Variants in ARHGEF10 observed in about 807,000 individuals in gnomAD.
ARHGEF10 encodes Rho guanine nucleotide exchange factor 10.
ARHGEF10 carries 140 observed loss-of-function variants against 147.4 expected under a neutral mutation model. The observed-to-expected ratio is 0.95, with a 90% CI of 0.83 to 1.09. ARHGEF10 has a LOEUF of 1.09. Ranked by LOEUF, ARHGEF10 falls within the 50% of genes least tolerant of loss-of-function variation. ARHGEF10 has a pLI of 0.00. For synonymous variants in ARHGEF10, 902 were observed against 695.8 expected, an observed-to-expected ratio of 1.30 and a Z score of -4.67; for missense variants, 2,222 against 1,752.7, an observed-to-expected ratio of 1.27 and a Z score of -4.78.
chr8:1,876,273 C>G, intron 7 of ARHGEF10: 1 of 463,580 alleles, frequency 2.2e-6, no homozygotes, highest in South Asian at 2.4e-5. Flanking sequence ...GACAAGTTAC[C>G]TGGCATGACT....
chr8:1,950,379 A>C (rs1814934372), intron 27 of ARHGEF10, among the ~76,000 whole-genome samples: 1 of 152,184 alleles, frequency 6.6e-6, no homozygotes, highest in Non-Finnish European at 1.5e-5. Flanking sequence ...ATGTAAAATT[A>C]AAGATGTTGA....
chr8:1,928,397 T>C, intron 23 of ARHGEF10, 30 bp from the exon 24 acceptor site: 1 of 1,603,492 alleles, frequency 6.2e-7, no homozygotes, highest in Non-Finnish European at 8.5e-7. Context: ...CATGGTCGTT[T>C]TCTTCTTTCC....
At chr8:1,878,975 G>GT (rs1013400729) in intron 8 of ARHGEF10, among the ~76,000 whole-genome samples, 1 of 152,228 alleles carries the variant, frequency 6.6e-6, no homozygotes, top group African/African-American at 2.4e-5. Flanking sequence ...ACTGTGTGGG[G>GT]TGCAGACAGG....
chr8:1,926,219 T>C (rs531681456), intron 22 of ARHGEF10, among the ~76,000 whole-genome samples, 158 bp from the exon 23 acceptor site: 18 of 152,276 alleles, frequency 1.2e-4, no homozygotes, highest in Non-Finnish European at 2.2e-4. Context: ...GTTGTACTTT[T>C]AAACTTTCAT....
At chr8:1,890,246 C>G (rs1364927646) in intron 11 of ARHGEF10, among the ~76,000 whole-genome samples, 1 of 136,482 alleles carries the variant, frequency 7.3e-6, no homozygotes, top group Non-Finnish European at 1.6e-5. Context: ...TGTGAGGAGG[C>G]ACTGAGGGTT....
At chr8:1,882,820 A>G in intron 10 of ARHGEF10, 71 bp downstream of exon 10, 2 of 252,204 alleles carry the variant, frequency 7.9e-6, no homozygotes, top group South Asian at 4.6e-5. Context: ...TGTGGGGAGG[A>G]CTCGGGGTGG....
intron 11 of ARHGEF10, among the ~76,000 whole-genome samples, chr8:1,891,074 C>A (rs979272766): frequency 6.6e-6 from 1 of 152,114 alleles, no homozygotes; most frequent in Admixed American, 6.5e-5. Flanking sequence ...GCTTATCCCA[C>A]CGTAATGGTT....
intron 2 of ARHGEF10, among the ~76,000 whole-genome samples, chr8:1,846,143 G>GCGGGAGCC (rs1444971207): frequency 1.3e-5 from 2 of 152,224 alleles, no homozygotes; most frequent in South Asian, 4.1e-4. Context: ...GGAGACCCTG[G>GCGGGAGCC]CGGGAGCCCG....
At chr8:1,926,491 C>T in intron 23 of ARHGEF10, 28 bp downstream of exon 23, 5 of 1,592,122 alleles carry the variant, frequency 3.1e-6, no homozygotes, top group Admixed American at 1.7e-5. Context: ...GGTTTTGGTA[C>T]AAGTTCACAG....
intron 4 of ARHGEF10, among the ~76,000 whole-genome samples, chr8:1,861,128 C>T (rs1423541890): frequency 3.3e-5 from 5 of 152,224 alleles, no homozygotes; most frequent in African/African-American, 7.2e-5. Flanking sequence ...GTGTCCTCAG[C>T]GCTGACAGCT....
chr8:1,898,705 C>T (rs953319162), intron 15 of ARHGEF10, among the ~76,000 whole-genome samples, 180 bp downstream of exon 15: 4 of 152,144 alleles, frequency 2.6e-5, no homozygotes, highest in East Asian at 1.9e-4. Context: ...AGTCACCCTA[C>T]GCCGGGGGCA....
chr8:1,932,226 G>C (rs1813203411), intron 25 of ARHGEF10, among the ~76,000 whole-genome samples: 2 of 151,370 alleles, frequency 1.3e-5, no homozygotes, highest in South Asian at 4.2e-4. Flanking sequence ...ATGAGTACCA[G>C]ATGGGAAGGC....
chr8:1,902,926 C>T (rs907859429), intron 15 of ARHGEF10, among the ~76,000 whole-genome samples: 8 of 152,172 alleles, frequency 5.3e-5, no homozygotes, highest in African/African-American at 1.7e-4. Flanking sequence ...TAGCTGGACC[C>T]ATCTGTGCAT....
intron 10 of ARHGEF10, among the ~76,000 whole-genome samples, chr8:1,883,224 C>T (rs986038624): frequency 2.6e-5 from 4 of 152,052 alleles, no homozygotes; most frequent in African/African-American, 7.2e-5. Context: ...GTGGTCTGTG[C>T]AGTTATGTGT....
chr8:1,864,443 G>A lies in ARHGEF10; in HGVS notation c.545+7G>A, dbSNP rs200316904. 97 of 1,613,248 alleles carry A rather than the reference G, an allele frequency of 6.0e-5. No homozygotes were observed. In the African/African-American group the frequency reaches 1.1e-3, roughly 19 times the overall value. ...CCGAGGAGCCTCCAACCAGGTATCTGCATCCGTCTTCCCACACCTGCTGAA... is the reference window on the plus strand; with the variant it reads ...CCGAGGAGCCTCCAACCAGGTATCTACATCCGTCTTCCCACACCTGCTGAA... On this transcript the variant is annotated splice_region_variant and intron_variant, in intron 5 of 28. Transcript: ENST00000349830.
chr8:1,896,507 C>A, intron 14 of ARHGEF10, 58 bp downstream of exon 14: 1 of 1,173,292 alleles, frequency 8.5e-7, no homozygotes, highest in South Asian at 1.2e-5. Context: ...AGTTACATGT[C>A]AAAGCTTGAC....
Position 1,907,286 on chromosome 8 carries a change from C to T in ARHGEF10, c.1967+1570C>T, listed in dbSNP as rs562240779. 3.3e-4 allele frequency among the ~76,000 whole-genome samples: 50 copies of T among 152,298 alleles called. No homozygotes were observed. In the South Asian group the frequency reaches 0.01, roughly 31 times the overall value. On this transcript the variant is annotated intron_variant, in intron 17 of 28. Coordinates refer to ENST00000349830, the MANE Select transcript of ARHGEF10 (RefSeq NM_014629.4). ...TCCCAGAACCCCCCTCTCCATGTAA[C>T]ACCTGGAAAGTTAGTTTTCAGTGAA... is the stretch of plus-strand genomic sequence containing the variant.
At chr8:1,827,221 C>T (rs1432802256) in intron 1 of ARHGEF10, among the ~76,000 whole-genome samples, 1 of 152,250 alleles carries the variant, frequency 6.6e-6, no homozygotes, top group Non-Finnish European at 1.5e-5. Flanking sequence ...CCCTACTCTG[C>T]TTCAGCCTGT....
chr8:1,945,873 A>AAGGAGCTGCGTGCTGGG (rs1554516349), intron 27 of ARHGEF10: 27 of 612,294 alleles, frequency 4.4e-5, no homozygotes, highest in Middle Eastern at 8.5e-4. Flanking sequence ...ACAGGTCCTG[A>AAGGAGCTGCGTGCTGGG]AGGAGCCGCG....
Sources: gnomAD v4.1 joint callset for allele counts (sites outside exome capture counted in the v4.1 genomes callset) on GRCh38, gnomAD v4.1.1 for gene constraint, MANE v1.5 for transcripts, NCBI Gene and HGNC (gene_info 2026-07-23, HGNC 2026-07-21) for gene names.